KCNQ5: variants seen among roughly 807,000 people sequenced by gnomAD.
The protein encoded by KCNQ5 is potassium voltage-gated channel subfamily KQT member 5.
KCNQ5 carries 30 observed loss-of-function variants against 98.2 expected under a neutral mutation model. The ratio of observed to expected loss-of-function variants is 0.31; its 90% CI spans 0.23 to 0.41. KCNQ5 has a LOEUF of 0.41. Ranked by LOEUF, KCNQ5 falls within the 10% of genes least tolerant of loss-of-function variation. The pLI is 1.00. For synonymous variants in KCNQ5, 458 were observed against 449.4 expected (o/e 1.02, Z -0.24); for missense variants, 835 against 1,182.5 (o/e 0.71, Z 4.31).
At chr6:73,055,609 G>T in intron 3 of KCNQ5, 1 of 1,276,304 alleles carries the variant, frequency 7.8e-7, no homozygotes, top group Non-Finnish European at 1.1e-6. Flanking sequence ...TATTTCCCCA[G>T]ATCAAGGAGG....
At chr6:72,636,885 G>A (rs2098924434) in intron 1 of KCNQ5, among the ~76,000 whole-genome samples, 1 of 152,142 alleles carries the variant, frequency 6.6e-6, no homozygotes. Flanking sequence ...TGCTCCTTTT[G>A]AAGGGATTTA....
At chr6:72,691,738 A>G (rs554541987) in intron 1 of KCNQ5, among the ~76,000 whole-genome samples, 2 of 152,330 alleles carry the variant, frequency 1.3e-5, no homozygotes, top group African/African-American at 4.8e-5. Context: ...TCCACCTTTC[A>G]TAGCTGGAAA....
chr6:73,043,113 C>T, intron 3 of KCNQ5: 1 of 441,574 alleles, frequency 2.3e-6, no homozygotes, highest in African/African-American at 2.0e-5. Flanking sequence ...TCCCTTACTC[C>T]TGTTCCCTAT....
At chr6:72,746,803 T>TAACAAC (rs1482039746) in intron 1 of KCNQ5, among the ~76,000 whole-genome samples, 1 of 152,178 alleles carries the variant, frequency 6.6e-6, no homozygotes, top group African/African-American at 2.4e-5. Flanking sequence ...ACATTAACAT[T>TAACAAC]AACAACATCC....
At chr6:72,664,630 T>A (rs1171954912) in intron 1 of KCNQ5, among the ~76,000 whole-genome samples, 2 of 151,900 alleles carry the variant, frequency 1.3e-5, no homozygotes, top group East Asian at 3.9e-4. Context: ...CACTCCAGCC[T>A]GGGCAACAGA....
chr6:72,871,217 T>C (rs760466557), intron 1 of KCNQ5, among the ~76,000 whole-genome samples: 1 of 152,222 alleles, frequency 6.6e-6, no homozygotes, highest in Admixed American at 6.5e-5. Context: ...CTTCATTAAA[T>C]TATTTTTTTT....
At chr6:72,787,052 T>C (rs541743369) in intron 1 of KCNQ5, among the ~76,000 whole-genome samples, 8 of 150,654 alleles carry the variant, frequency 5.3e-5, no homozygotes, top group Non-Finnish European at 7.4e-5. Context: ...CTGGTTCATT[T>C]GTGATGAAAC....
In KCNQ5 at chr6:72,929,608, TATAAAGTACAATGTAC is replaced by T. The variant is rs1765600109; in HGVS notation, c.399-74289_399-74274del. Among the ~76,000 whole-genome samples the T allele has an allele frequency of 3.3e-5, 5 of 152,248 alleles. No individual in the cohort carries two copies. In the South Asian group the frequency reaches 1.0e-3, roughly 32 times the overall value. On this transcript the variant is annotated intron_variant, in intron 1 of 13. Coordinates refer to ENST00000370398, the MANE Select transcript of KCNQ5 (RefSeq NM_019842.4). Reference sequence around the variant, plus strand: ...AAAGTACATAAAGTACAATGGAGTATATAAAGTACAATGTACATAAAGTACATAAAGTACAATGGAG... The same window carrying T: ...AAAGTACATAAAGTACAATGGAGTATATAAAGTACATAAAGTACAATGGAG...
At chr6:72,652,240 CA>C (rs66526018) in intron 1 of KCNQ5, among the ~76,000 whole-genome samples, 17,680 of 105,226 alleles carry the variant, frequency 0.17, 1,115 homozygotes, top group Non-Finnish European at 0.22. Flanking sequence ...GAGGCAGAAG[CA>C]AAAAAAAAAA....
intron 1 of KCNQ5, among the ~76,000 whole-genome samples, chr6:72,786,862 C>T (rs1263828191): frequency 6.6e-6 from 1 of 151,712 alleles, no homozygotes; most frequent in Non-Finnish European, 1.5e-5. Flanking sequence ...AAAAATTAGC[C>T]GGGCGTGGTG....
At chr6:72,859,778 CA>C (rs893540546) in intron 1 of KCNQ5, among the ~76,000 whole-genome samples, 23 of 152,002 alleles carry the variant, frequency 1.5e-4, no homozygotes, top group African/African-American at 5.3e-4. Flanking sequence ...TTAGTAGAGA[CA>C]GGGTTTTGCC....
At position 73,077,674 on chromosome 6, in the gene KCNQ5, G is replaced by A. The variant is rs1451730854; in HGVS notation, c.793-88G>A. 3.6e-5 allele frequency: 48 copies of A among 1,347,836 alleles called. 1 individual carries two copies. Among genetic ancestry groups the A allele is most frequent in the Middle Eastern group, 2.1e-4 (1 of 4,844 alleles). 83.5% of individuals were successfully genotyped at this position (1,347,836 alleles called of 1,614,324 possible). A position where few individuals can be genotyped will look rare whatever the true frequency, so the allele number is the denominator to read the frequency against. ...AGCCATCATAAACATCCAAGAAGTA[G>A]TAAAGTGAATAGAATCCTCATAGAA... is the stretch of plus-strand genomic sequence containing the variant. On this transcript the variant is annotated intron_variant, in intron 4 of 13. Coordinates refer to ENST00000370398, the MANE Select transcript of KCNQ5 (RefSeq NM_019842.4).
At chr6:73,086,757 C>A (rs972725059) in intron 5 of KCNQ5, among the ~76,000 whole-genome samples, 2 of 152,142 alleles carry the variant, frequency 1.3e-5, no homozygotes, top group Admixed American at 6.5e-5. Flanking sequence ...CTATCACTCA[C>A]GTTAATGTTA....
chr6:72,962,196 TATATACATATATATATATATACAC>T lies in KCNQ5; in HGVS notation c.399-41710_399-41687del, dbSNP rs1365504928. On this transcript the variant is annotated intron_variant, in intron 1 of 13. Transcript: ENST00000370398. Reference sequence around the variant, plus strand: ...TTGTTTCTCTAAATATATATATATATATATACATATATATATATATACACACATATATATATATATACACATATA... The same window carrying T: ...TTGTTTCTCTAAATATATATATATATACATATATATATATATACACATATA... 4.8e-3 allele frequency among the ~76,000 whole-genome samples: 499 copies of T among 103,040 alleles called. 1 individual carries two copies. Among genetic ancestry groups the T allele is most frequent in the African/African-American group, 0.015 (473 of 31,528 alleles). 67.6% of individuals were successfully genotyped at this position (103,040 alleles called of 152,430 possible).
intron 1 of KCNQ5, among the ~76,000 whole-genome samples, chr6:72,955,780 A>G (rs1203331951): frequency 6.6e-6 from 1 of 152,110 alleles, no homozygotes; most frequent in Non-Finnish European, 1.5e-5. Flanking sequence ...ACTATGCAAA[A>G]ACAATAATTC....
In KCNQ5 at chr6:73,098,850, A is replaced by G. The variant is rs570959275; in HGVS notation, c.919-6407A>G. On this transcript the variant is annotated intron_variant, in intron 5 of 13. Transcript: ENST00000370398. ...GGTAATAGTAAGTACACAGAAAAAC[A>G]GAATATTATAGCACTATAATTGTGC... Among the ~76,000 whole-genome samples, 72 of 152,320 alleles carry G rather than the reference A, an allele frequency of 4.7e-4. 1 individual carries two copies. Among genetic ancestry groups the G allele is most frequent in the Middle Eastern group, 3.4e-3 (1 of 294 alleles).
At chr6:72,791,498 A>G (rs1774041744) in intron 1 of KCNQ5, among the ~76,000 whole-genome samples, 1 of 152,198 alleles carries the variant, frequency 6.6e-6, no homozygotes, top group Non-Finnish European at 1.5e-5. Flanking sequence ...GGTACATTAC[A>G]TCTTTATCTC....
At chr6:72,714,112 T>TA (rs1180151789) in intron 1 of KCNQ5, among the ~76,000 whole-genome samples, 1 of 152,218 alleles carries the variant, frequency 6.6e-6, no homozygotes, top group Non-Finnish European at 1.5e-5. Flanking sequence ...TAAGAACAAT[T>TA]ACAACTGCTG....
intron 1 of KCNQ5, among the ~76,000 whole-genome samples, chr6:72,663,994 C>G (rs1019747012): frequency 6.6e-6 from 1 of 152,204 alleles, no homozygotes; most frequent in African/African-American, 2.4e-5. Context: ...GTTTCTAATT[C>G]TAACTCATGA....
Sources: allele counts gnomAD v4.1 joint callset (sites outside exome capture counted in the v4.1 genomes callset), GRCh38; gene constraint gnomAD v4.1.1; transcripts MANE v1.5; gene names NCBI Gene and HGNC (gene_info 2026-07-23, HGNC 2026-07-21).